The following CNTLN variants were observed in gnomAD, a reference collection of about 807,000 sequenced individuals.
The protein encoded by CNTLN is centlein, also known as centlein, centrosomal protein.
Under a neutral mutation model 180.0 loss-of-function variants are expected in CNTLN, and 212 were observed. The observed-to-expected ratio is 1.18, with a 90% CI of 1.05 to 1.32. The LOEUF (loss-of-function observed/expected upper bound fraction) is 1.32. Among genes scored for constraint, CNTLN ranks in the 40% most tolerant of loss-of-function variants. The pLI is 0.00. For missense variants in CNTLN, 2,095 were observed against 1,610.9 expected, an observed-to-expected ratio of 1.30 and a Z score of -5.14; for synonymous variants, 722 against 563.1, an observed-to-expected ratio of 1.28 and a Z score of -3.99.
At chr9:17,169,231 T>G (rs1420717788) in intron 2 of CNTLN, among the ~76,000 whole-genome samples, 1 of 152,080 alleles carries the variant, frequency 6.6e-6, no homozygotes, top group Non-Finnish European at 1.5e-5. Flanking sequence ...ACTCCTGGGT[T>G]CAAGCATCCT....
At chr9:17,312,795 A>C (rs61565870) in intron 8 of CNTLN, among the ~76,000 whole-genome samples, 33,827 of 152,000 alleles carry the variant, frequency 0.22, 4,081 homozygotes, top group South Asian at 0.37. Flanking sequence ...GTATTTTGCA[A>C]CTACTGGGCA....
chr9:17,284,070 G>A (rs2132612742), intron 6 of CNTLN, among the ~76,000 whole-genome samples: 1 of 152,078 alleles, frequency 6.6e-6, no homozygotes, highest in South Asian at 2.1e-4. Flanking sequence ...TTCCCAGGCT[G>A]GAGTACAATG....
chr9:17,413,705 G>T (rs1256324441), intron 16 of CNTLN, among the ~76,000 whole-genome samples: 1 of 152,142 alleles, frequency 6.6e-6, no homozygotes, highest in Non-Finnish European at 1.5e-5. Flanking sequence ...GTAAAAATTA[G>T]TGAAAATACC....
chr9:17,348,031 A>C (rs1423551133), intron 12 of CNTLN, among the ~76,000 whole-genome samples: 1 of 152,024 alleles, frequency 6.6e-6, no homozygotes, highest in Non-Finnish European at 1.5e-5. Flanking sequence ...GGGTTTCACC[A>C]TGTTGGTCAG....
intron 5 of CNTLN, among the ~76,000 whole-genome samples, chr9:17,250,888 C>A (rs1826097452): frequency 6.6e-6 from 1 of 151,962 alleles, no homozygotes; most frequent in South Asian, 2.1e-4. Context: ...TGCTTTACAT[C>A]CTTTCATTTC....
intron 5 of CNTLN, 111 bp from the exon 6 acceptor site, chr9:17,273,622 A>T (rs1389349430): frequency 1.8e-6 from 1 of 561,622 alleles, no homozygotes; most frequent in Non-Finnish European, 2.8e-6. Context: ...TAAGTGAAAA[A>T]ATTAAAACTA....
At chr9:17,423,852 T>C (rs1313597713) in intron 18 of CNTLN, among the ~76,000 whole-genome samples, 1 of 152,084 alleles carries the variant, frequency 6.6e-6, no homozygotes, top group Non-Finnish European at 1.5e-5. Flanking sequence ...ACAGATTCTC[T>C]CTCGGCTCAG....
At chr9:17,299,470 G>GA in intron 7 of CNTLN, 1 of 981,722 alleles carries the variant, frequency 1.0e-6, no homozygotes. Context: ...AAATCACTGT[G>GA]AAAATCGAAT....
At chr9:17,302,639 G>T (rs1409834369) in intron 7 of CNTLN, among the ~76,000 whole-genome samples, 1 of 152,154 alleles carries the variant, frequency 6.6e-6, no homozygotes, top group African/African-American at 2.4e-5. Flanking sequence ...TTGAGACATT[G>T]CATGCTATGA....
At chr9:17,351,697 G>A (rs1822378960) in intron 12 of CNTLN, among the ~76,000 whole-genome samples, 2 of 152,028 alleles carry the variant, frequency 1.3e-5, no homozygotes, top group South Asian at 4.1e-4. Context: ...TAGTCAACTA[G>A]AATAAACTCA....
chr9:17,312,360 TATATTATA>T (rs1019576153), intron 8 of CNTLN, among the ~76,000 whole-genome samples: 6 of 15,326 alleles, frequency 3.9e-4, no homozygotes, highest in African/African-American at 8.6e-4. Flanking sequence ...TATATATATA[TATATTATA>T]TATATATATA....
chr9:17,408,407 T>A (rs1827576109), intron 15 of CNTLN, among the ~76,000 whole-genome samples: 1 of 152,096 alleles, frequency 6.6e-6, no homozygotes, highest in South Asian at 2.1e-4. Context: ...TAAGTATTCT[T>A]GTTTCCTGTC....
intron 18 of CNTLN, among the ~76,000 whole-genome samples, chr9:17,422,065 G>A (rs1053252418): frequency 3.3e-5 from 5 of 152,034 alleles, no homozygotes; most frequent in Admixed American, 6.6e-5. Context: ...AGCATTTCTT[G>A]TAGGACAGAT....
intron 2 of CNTLN, among the ~76,000 whole-genome samples, chr9:17,217,003 T>C (rs1823804220): frequency 6.6e-6 from 1 of 152,206 alleles, no homozygotes; most frequent in Non-Finnish European, 1.5e-5. Flanking sequence ...GGATGGATGG[T>C]CATGGGAACT....
chr9:17,178,532 G>C (rs2779765), intron 2 of CNTLN, among the ~76,000 whole-genome samples: 6,394 of 152,142 alleles, frequency 0.042, 448 homozygotes, highest in African/African-American at 0.15. Flanking sequence ...GGTGCATGGG[G>C]GACTCAGGCA....
intron 5 of CNTLN, among the ~76,000 whole-genome samples, chr9:17,245,260 G>A (rs1045606121): frequency 1.3e-5 from 2 of 150,862 alleles, no homozygotes; most frequent in African/African-American, 2.4e-5. Flanking sequence ...TCCAGCTTTT[G>A]TTTGTCTGGG....
chr9:17,442,200 C>A (rs934427301), intron 18 of CNTLN, among the ~76,000 whole-genome samples: 1 of 152,168 alleles, frequency 6.6e-6, no homozygotes, highest in Non-Finnish European at 1.5e-5. Context: ...ATACTCTACC[C>A]AACAACAGCA....
At chr9:17,386,652 A>G (rs1244192052) in intron 13 of CNTLN, among the ~76,000 whole-genome samples, 1 of 152,204 alleles carries the variant, frequency 6.6e-6, no homozygotes, top group African/African-American at 2.4e-5. Context: ...GTCAGCAGAT[A>G]AGTACAGGTG....
intron 25 of CNTLN, among the ~76,000 whole-genome samples, chr9:17,498,144 T>C (rs552959228): frequency 6.6e-6 from 1 of 152,338 alleles, no homozygotes; most frequent in East Asian, 1.9e-4. Flanking sequence ...TTTTGTCCTT[T>C]ATACTTAAAA....
Sources: allele counts gnomAD v4.1 joint callset (sites outside exome capture counted in the v4.1 genomes callset), GRCh38; gene constraint gnomAD v4.1.1; transcripts MANE v1.5; gene names NCBI Gene and HGNC (gene_info 2026-07-23, HGNC 2026-07-21).